SNX29: variants seen among roughly 807,000 people sequenced by gnomAD.
The protein encoded by SNX29 is sorting nexin 29.
A neutral mutation model predicts 102.1 loss-of-function variants in SNX29; 78 were observed. That is an observed-to-expected ratio of 0.76 (90% CI 0.64 to 0.92). The LOEUF (loss-of-function observed/expected upper bound fraction) is 0.92. Ranked by LOEUF, SNX29 falls within the 40% of genes least tolerant of loss-of-function variation. The probability of loss-of-function intolerance (pLI) is 0.00; values close to 1 mark genes in which losing one functional copy is unlikely to be tolerated. For synonymous variants in SNX29, 580 were observed against 414.5 expected (o/e 1.40, Z -4.85); for missense variants, 1,280 against 1,061.7 (o/e 1.21, Z -2.86).
intron 8 of SNX29, among the ~76,000 whole-genome samples, chr16:12,053,524 G>A (rs1339562787): frequency 2.0e-5 from 3 of 151,958 alleles, no homozygotes; most frequent in Non-Finnish European, 4.4e-5. Flanking sequence ...GCAAGACTCT[G>A]TCTCTACAAA....
At chr16:12,106,199 A>G (rs1365997076) in intron 11 of SNX29, among the ~76,000 whole-genome samples, 1 of 152,130 alleles carries the variant, frequency 6.6e-6, no homozygotes, top group African/African-American at 2.4e-5. Flanking sequence ...AGGGACTGAA[A>G]AGCTCCCCTC....
At chr16:11,985,460 C>G (rs963827694) in intron 1 of SNX29, among the ~76,000 whole-genome samples, 4 of 152,200 alleles carry the variant, frequency 2.6e-5, no homozygotes, top group African/African-American at 9.6e-5. Flanking sequence ...GGGCTGGCTT[C>G]AAGCTTAGCT....
chr16:12,563,529 A>C (rs1313788812), intron 20 of SNX29, among the ~76,000 whole-genome samples: 1 of 152,184 alleles, frequency 6.6e-6, no homozygotes, highest in African/African-American at 2.4e-5. Flanking sequence ...TGAAAAATTG[A>C]GTTGTCTCCC....
intron 20 of SNX29, among the ~76,000 whole-genome samples, chr16:12,548,705 A>T (rs1380952870): frequency 6.6e-6 from 1 of 152,186 alleles, no homozygotes; most frequent in Non-Finnish European, 1.5e-5. Context: ...AGGGCATTGT[A>T]CTGGTGTAGG....
intron 19 of SNX29, among the ~76,000 whole-genome samples, chr16:12,518,665 A>G (rs908214300): frequency 2.3e-4 from 35 of 152,092 alleles, no homozygotes; most frequent in African/African-American, 8.2e-4. Flanking sequence ...CTGCACATTT[A>G]AACTCCTCGA....
At chr16:12,219,062 C>T (rs1400538323) in intron 14 of SNX29, among the ~76,000 whole-genome samples, 1 of 152,264 alleles carries the variant, frequency 6.6e-6, no homozygotes, top group South Asian at 2.1e-4. Context: ...GTGTGAGCCA[C>T]CGCGCCTGGC....
chr16:12,279,137 A>T (rs1012153133), intron 15 of SNX29, among the ~76,000 whole-genome samples: 1 of 152,212 alleles, frequency 6.6e-6, no homozygotes, highest in African/African-American at 2.4e-5. Flanking sequence ...TACACATGCT[A>T]AGTATACAAG....
chr16:12,203,982 G>A (rs1431930401), intron 14 of SNX29, among the ~76,000 whole-genome samples: 1 of 152,124 alleles, frequency 6.6e-6, no homozygotes, highest in East Asian at 1.9e-4. Flanking sequence ...CTTCATCCTT[G>A]GCCTGGCACC....
chr16:12,419,808 G>A (rs1231308405), intron 18 of SNX29, among the ~76,000 whole-genome samples: 1 of 152,228 alleles, frequency 6.6e-6, no homozygotes, highest in African/African-American at 2.4e-5. Flanking sequence ...CTGGGTAGGT[G>A]TGATACTGGG....
Position 12,197,197 on chromosome 16 carries a change from A to G in SNX29, c.1596-2404A>G, listed in dbSNP as rs1243242439. ...GCCTTTCTTTCCCTGATTTTAAGAT[A>G]TGTGACTTGAATTCACATGTGAAGA... On this transcript the variant is annotated intron_variant, in intron 13 of 20. Coordinates refer to ENST00000566228, the MANE Select transcript of SNX29 (RefSeq NM_032167.5). Among the ~76,000 whole-genome samples, 3 of 152,218 alleles carry G rather than the reference A, an allele frequency of 2.0e-5. 1 individual carries two copies. In the East Asian group the frequency reaches 5.8e-4, roughly 29 times the overall value.
At chr16:12,510,509 C>G (rs980363669) in intron 19 of SNX29, among the ~76,000 whole-genome samples, 5 of 151,980 alleles carry the variant, frequency 3.3e-5, no homozygotes, top group Non-Finnish European at 7.4e-5. Flanking sequence ...CCTGTCTCTA[C>G]TAAAAAGACA....
intron 20 of SNX29, among the ~76,000 whole-genome samples, chr16:12,552,846 G>C (rs958955360): frequency 6.6e-6 from 1 of 152,244 alleles, no homozygotes; most frequent in African/African-American, 2.4e-5. Flanking sequence ...CCAGAGAGGA[G>C]AGGGTGTGGC....
intron 1 of SNX29, among the ~76,000 whole-genome samples, chr16:11,985,164 C>G (rs2055567914): frequency 6.6e-6 from 1 of 151,838 alleles, no homozygotes; most frequent in Non-Finnish European, 1.5e-5. Flanking sequence ...AGTGGTTGCA[C>G]TAGTTTCAAT....
At position 12,570,304 on chromosome 16, in the gene SNX29, C is replaced by G. The variant is rs536621922; in HGVS notation, c.*1675C>G. Reference sequence around the variant, plus strand: ...AGTCAGTTTGCGAGTGTGGAGGACCCGAGACATCCTGTAAAGGCAACTTGG... The same window carrying G: ...AGTCAGTTTGCGAGTGTGGAGGACCGGAGACATCCTGTAAAGGCAACTTGG... On this transcript the variant is annotated 3_prime_UTR_variant, in exon 21 of 21. Coordinates refer to ENST00000566228, the MANE Select transcript of SNX29 (RefSeq NM_032167.5). The G allele has an allele frequency of 4.1e-5, 42 of 1,034,672 alleles. No homozygotes were observed. The highest frequency in any genetic ancestry group is 4.6e-5 in the Non-Finnish European group (39 of 851,622). The allele number at this position is 1,034,672 out of a possible 1,614,324, so 64.1% of individuals were successfully genotyped here. A position where few individuals can be genotyped will look rare whatever the true frequency, so the allele number is the denominator to read the frequency against.
intron 14 of SNX29, among the ~76,000 whole-genome samples, chr16:12,274,990 A>T (rs1399280488): frequency 6.6e-6 from 1 of 152,152 alleles, no homozygotes. Flanking sequence ...TTTTCCCTAA[A>T]TAGTCTCTCT....
In SNX29 at chr16:12,098,466, C is replaced by T. The variant is rs1013962332; in HGVS notation, c.1402+19551C>T. On this transcript the variant is annotated intron_variant, in intron 11 of 20. Coordinates refer to ENST00000566228, the MANE Select transcript of SNX29 (RefSeq NM_032167.5). This position sits in a 1 kb window ranked among gnomAD's most constrained non-coding sequence, Gnocchi z 6.0. ...TGGAGCTCCCACTTGCAGTGGCCAC[C>T]GCGTGCCCTTTGATGGGACGTTACA... Among the ~76,000 whole-genome samples the T allele has an allele frequency of 5.3e-5, 8 of 152,172 alleles. No individual in the cohort carries two copies. The highest frequency in any genetic ancestry group is 1.9e-4 in the African/African-American group (8 of 41,426).
At chr16:12,460,055 C>A (rs916590587) in intron 18 of SNX29, among the ~76,000 whole-genome samples, 1 of 152,192 alleles carries the variant, frequency 6.6e-6, no homozygotes, top group African/African-American at 2.4e-5. Flanking sequence ...TTCTGTAAAG[C>A]ATAGTTAGCT....
chr16:12,540,543 C>T (rs558297672), intron 20 of SNX29, among the ~76,000 whole-genome samples: 3 of 152,362 alleles, frequency 2.0e-5, no homozygotes, highest in Admixed American at 6.5e-5. Flanking sequence ...GGCTTCCTGG[C>T]AGCCACCCTA....
chr16:12,569,831 G>A lies in SNX29; in HGVS notation c.*1202G>A, dbSNP rs547113898. On this transcript the variant is annotated 3_prime_UTR_variant, in exon 21 of 21. Coordinates refer to ENST00000566228, the MANE Select transcript of SNX29 (RefSeq NM_032167.5). Reference sequence around the variant, plus strand: ...AGTTGTGGCAGTTTGCATTTCTAGGGTAAACTAACTAGGAAGGATGTCGTG... The same window carrying A: ...AGTTGTGGCAGTTTGCATTTCTAGGATAAACTAACTAGGAAGGATGTCGTG... The A allele has an allele frequency of 1.3e-3, 292 of 230,486 alleles. No individual in the cohort carries two copies. Among genetic ancestry groups the A allele is most frequent in the Non-Finnish European group, 1.7e-3 (200 of 116,286 alleles). 14.3% of individuals were successfully genotyped at this position (230,486 alleles called of 1,614,324 possible).
Sources: allele counts gnomAD v4.1 joint callset (sites outside exome capture counted in the v4.1 genomes callset), GRCh38; gene constraint gnomAD v4.1.1; non-coding constraint Gnocchi (gnomAD v3.1); transcripts MANE v1.5; gene names NCBI Gene and HGNC (gene_info 2026-07-23, HGNC 2026-07-21).